The following COL11A1 variants were observed in gnomAD, a reference collection of about 807,000 sequenced individuals.
COL11A1 encodes the protein collagen alpha-1(XI) chain.
In COL11A1, 74 loss-of-function variants were observed where a neutral mutation model predicts 265.2. That is an observed-to-expected ratio of 0.28 (90% CI 0.23 to 0.34). COL11A1 has a LOEUF of 0.34. Among genes scored for constraint, COL11A1 ranks in the 10% least tolerant of loss-of-function variants. COL11A1 has a pLI of 1.00. For synonymous variants in COL11A1, 816 were observed against 727.6 expected, an observed-to-expected ratio of 1.12 and a Z score of -1.96; for missense variants, 2,165 against 2,263.6, an observed-to-expected ratio of 0.96 and a Z score of 0.88.
intron 2 of COL11A1, among the ~76,000 whole-genome samples, chr1:103,080,273 A>G (rs1020829667): frequency 3.3e-5 from 5 of 151,870 alleles, no homozygotes; most frequent in Non-Finnish European, 5.9e-5. Context: ...AAAGTTCTGA[A>G]TCTTGTCAGA....
chr1:103,041,361 A>C (rs1668794668), intron 4 of COL11A1, among the ~76,000 whole-genome samples: 1 of 151,268 alleles, frequency 6.6e-6, no homozygotes, highest in Non-Finnish European at 1.5e-5. Flanking sequence ...TTTACATATC[A>C]ATTTTTAGCA....
chr1:103,088,178 C>T lies in COL11A1; in HGVS notation c.107-5206G>A, dbSNP rs565920405. Among the ~76,000 whole-genome samples, 5 of 152,292 alleles carry T rather than the reference C, an allele frequency of 3.3e-5. No individual in the cohort carries two copies. The South Asian group carries it at 1.0e-3, about 32-fold the overall frequency. ...CCTTCTCTAAGCTTCTTTGCACACT[C>T]CCATGACCAGTAGTGAACCGCATCA... On this transcript the variant is annotated intron_variant, in intron 1 of 66. Coordinates refer to ENST00000370096, the MANE Select transcript of COL11A1 (RefSeq NM_001854.4).
chr1:103,050,625 T>C (rs1422302995), intron 4 of COL11A1, among the ~76,000 whole-genome samples: 1 of 152,250 alleles, frequency 6.6e-6, no homozygotes, highest in Admixed American at 6.5e-5. Context: ...TCCATCCAGC[T>C]TTTTTCCATT....
chr1:103,108,260 C>G lies in COL11A1; in HGVS notation c.-82G>C. 9.4e-7 allele frequency: 1 copy of G among 1,068,222 alleles called. No homozygotes were observed. The highest frequency in any genetic ancestry group is 1.4e-6 in the Non-Finnish European group (1 of 692,884). The allele number at this position is 1,068,222 out of a possible 1,614,324, so 66.2% of individuals were successfully genotyped here. A position where few individuals can be genotyped will look rare whatever the true frequency, so the allele number is the denominator to read the frequency against. ...CAACTTCGTCCTTTCCAAGGTATCG[C>G]CAGGGATGTTTGCTACACAGCCATT... On this transcript the variant is annotated 5_prime_UTR_variant, in exon 1 of 67. Coordinates refer to ENST00000370096, the MANE Select transcript of COL11A1 (RefSeq NM_001854.4).
At chr1:103,040,414 T>A (rs1188164283) in intron 4 of COL11A1, among the ~76,000 whole-genome samples, 1 of 151,696 alleles carries the variant, frequency 6.6e-6, no homozygotes, top group African/African-American at 2.4e-5. Flanking sequence ...TGTTTCATTT[T>A]ATCAGTTTAT....
chr1:103,022,091 G>C (rs1667140102), intron 8 of COL11A1, among the ~76,000 whole-genome samples: 1 of 151,046 alleles, frequency 6.6e-6, no homozygotes, highest in Admixed American at 6.6e-5. Context: ...CCTGAGCTCA[G>C]GTAATCCGCC....
At position 103,073,056 on chromosome 1, in the gene COL11A1, C is replaced by A. The variant is rs78846384; in HGVS notation, c.651+1562G>T. On this transcript the variant is annotated intron_variant, in intron 4 of 66. Coordinates refer to ENST00000370096, the MANE Select transcript of COL11A1 (RefSeq NM_001854.4). ...TAGGGTTTCATGAAACTCTAGGATGCGAAGTAGCTTAATAAACTTATTTTT... is the reference window on the plus strand; with the variant it reads ...TAGGGTTTCATGAAACTCTAGGATGAGAAGTAGCTTAATAAACTTATTTTT... Among the ~76,000 whole-genome samples, 36 of 151,688 alleles carry A rather than the reference C, an allele frequency of 2.4e-4. No individual in the cohort carries two copies. The East Asian group carries it at 6.2e-3, about 26-fold the overall frequency.
intron 42 of COL11A1, among the ~76,000 whole-genome samples, chr1:102,943,916 G>T (rs1349208592): frequency 6.6e-6 from 1 of 152,034 alleles, no homozygotes; most frequent in Non-Finnish European, 1.5e-5. Flanking sequence ...GTTTTCATTA[G>T]AATCAGTTTC....
chr1:102,905,667 C>T lies in COL11A1; in HGVS notation c.4086+6492G>A, dbSNP rs929428162. Among the ~76,000 whole-genome samples, 97 of 152,130 alleles carry T rather than the reference C, an allele frequency of 6.4e-4. 1 individual carries two copies. Among genetic ancestry groups the T allele is most frequent in the African/African-American group, 2.2e-3 (91 of 41,538 alleles). ...TTTATTAAAATATACATGAAGTTGT[C>T]ATGAGTTTAAATGCTTCTATTTTTG... On this transcript the variant is annotated intron_variant, in intron 54 of 66. Transcript: ENST00000370096.
intron 35 of COL11A1, among the ~76,000 whole-genome samples, chr1:102,977,997 A>G (rs1275511697): frequency 6.6e-6 from 1 of 152,178 alleles, no homozygotes; most frequent in Non-Finnish European, 1.5e-5. Flanking sequence ...ATTTCAAATC[A>G]TAATATACAA....
At chr1:102,950,085 C>G (rs1659727055) in intron 41 of COL11A1, among the ~76,000 whole-genome samples, 1 of 152,018 alleles carries the variant, frequency 6.6e-6, no homozygotes, top group Non-Finnish European at 1.5e-5. Flanking sequence ...TGCTTGAGGC[C>G]AGGAGTTCAA....
chr1:102,898,937 T>C lies in COL11A1; in HGVS notation c.4140+4A>G. On this transcript the variant is annotated splice_donor_region_variant and intron_variant, in intron 55 of 66. Coordinates refer to ENST00000370096, the MANE Select transcript of COL11A1 (RefSeq NM_001854.4). ...ATATTATGTATATATTATTTTTTTT[T>C]TACCTTAGCACCTTTTTCACCTTGT... 6.9e-7 allele frequency: 1 copy of C among 1,445,958 alleles called. No individual in the cohort carries two copies. Among genetic ancestry groups the C allele is most frequent in the South Asian group, 1.4e-5 (1 of 72,196 alleles). The allele number at this position is 1,445,958 out of a possible 1,614,324, so 89.6% of individuals were successfully genotyped here.
rs534670242 is a variant in COL11A1, at chr1:102,997,244, T to C, written c.2197-120A>G. 7 of 933,068 alleles carry C rather than the reference T, an allele frequency of 7.5e-6. No homozygotes were observed. In the African/African-American group the frequency reaches 1.1e-4, roughly 15 times the overall value. 57.8% of individuals were successfully genotyped at this position (933,068 alleles called of 1,614,324 possible). A position where few individuals can be genotyped will look rare whatever the true frequency, so the allele number is the denominator to read the frequency against. ...TCTTACTCTTTAAGTTTCAAAAACA[T>C]TGAACACTTTTGCATCAGTGTGTAT... On this transcript the variant is annotated intron_variant, in intron 25 of 66. Coordinates refer to ENST00000370096, the MANE Select transcript of COL11A1 (RefSeq NM_001854.4).
At chr1:103,003,110 A>G in intron 21 of COL11A1, 105 bp downstream of exon 21, 1 of 1,118,174 alleles carries the variant, frequency 8.9e-7, no homozygotes. Flanking sequence ...TTCAAACATA[A>G]CAAGGCAATA....
At chr1:103,025,686 T>C in intron 6 of COL11A1, 73 bp from the exon 7 acceptor site, 2 of 1,563,868 alleles carry the variant, frequency 1.3e-6, no homozygotes, top group South Asian at 2.2e-5. Context: ...ATGATTTAAT[T>C]GGGTTATAGT....
At chr1:103,037,540 T>C (rs151136428) in intron 4 of COL11A1, among the ~76,000 whole-genome samples, 1,766 of 152,244 alleles carry the variant, frequency 0.012, 23 homozygotes, top group South Asian at 0.02. Flanking sequence ...TCCATCTGAT[T>C]GAATAATGTG....
At position 103,018,823 on chromosome 1, in the gene COL11A1, G is replaced by A. The variant is rs1262054654; in HGVS notation, c.1345C>T (p.Pro449Ser). 1.2e-6 allele frequency: 2 copies of A among 1,611,330 alleles called. No homozygotes were observed. The highest frequency in any genetic ancestry group is 2.7e-5 in the African/African-American group (2 of 74,796). ...ATCTTAAAACATTTACATACTGCAG[G>A]TCCTGCTGGTCCTGGTGGTCCTTCG... ...LVEGPPGPAG[P>S]AGIMGPPGLQ... Residue 449 changes from proline to serine, a missense_variant, in exon 10 of 67, where the codon CCT (proline) becomes TCT (serine). Coordinates refer to ENST00000370096, the MANE Select transcript of COL11A1 (RefSeq NM_001854.4).
At chr1:103,098,045 C>A (rs1192933848) in intron 1 of COL11A1, among the ~76,000 whole-genome samples, 1 of 151,836 alleles carries the variant, frequency 6.6e-6, no homozygotes, top group Non-Finnish European at 1.5e-5. Flanking sequence ...TACAGCATTT[C>A]TAATTTACAA....
chr1:103,037,048 A>G (rs1007128715), intron 4 of COL11A1, among the ~76,000 whole-genome samples: 1 of 151,854 alleles, frequency 6.6e-6, no homozygotes, highest in African/African-American at 2.4e-5. Context: ...ATCAAATTAT[A>G]TAAGTAATAG....
Sources: gnomAD v4.1 joint callset for allele counts (sites outside exome capture counted in the v4.1 genomes callset) on GRCh38, gnomAD v4.1.1 for gene constraint, MANE v1.5 for transcripts, NCBI Gene and HGNC (gene_info 2026-07-23, HGNC 2026-07-21) for gene names.